The following HPSE2 variants were observed in gnomAD, a reference collection of about 807,000 sequenced individuals.
HPSE2 encodes the protein inactive heparanase-2.
HPSE2 carries 38 observed loss-of-function variants against 60.5 expected under a neutral mutation model. That is an observed-to-expected ratio of 0.63 (90% CI 0.48 to 0.82). HPSE2 has a LOEUF of 0.82. Ranked by LOEUF, HPSE2 falls within the 40% of genes least tolerant of loss-of-function variation. The pLI is 0.00. For synonymous variants in HPSE2, 295 were observed against 293.2 expected (o/e 1.01, Z -0.06); for missense variants, 713 against 740.4 (o/e 0.96, Z 0.43).
intron 9 of HPSE2, among the ~76,000 whole-genome samples, chr10:98,571,873 A>G (rs1398010616): frequency 2.0e-5 from 3 of 151,790 alleles, no homozygotes; most frequent in Non-Finnish European, 4.4e-5. Context: ...TCTCACTCAG[A>G]TTTCTATCTA....
the HPSE2 span, among the ~76,000 whole-genome samples, chr10:99,305,979 G>GCGCGCACACACACA: frequency 7.5e-3 from 607 of 80,486 alleles, 5 homozygotes; most frequent in African/African-American, 8.8e-3. Context: ...GCGCGCGCGC[G>GCGCGCACACACACA]CACACACACA....
At chr10:99,088,204 T>C (rs1021374964) in intron 3 of HPSE2, among the ~76,000 whole-genome samples, 4 of 151,582 alleles carry the variant, frequency 2.6e-5, no homozygotes, top group African/African-American at 9.8e-5. Flanking sequence ...CCCTCAATAC[T>C]TTATTTATTT....
intron 3 of HPSE2, among the ~76,000 whole-genome samples, chr10:98,881,884 T>A (rs745616485): frequency 6.6e-6 from 1 of 152,030 alleles, no homozygotes; most frequent in Non-Finnish European, 1.5e-5. Flanking sequence ...CACTCCTCCC[T>A]CCCCTGCATC....
At chr10:99,215,080 A>G (rs534941796) in intron 2 of HPSE2, among the ~76,000 whole-genome samples, 3 of 152,190 alleles carry the variant, frequency 2.0e-5, no homozygotes, top group South Asian at 2.1e-4. Context: ...CAGCAATCCC[A>G]TTACTGGGTA....
At chr10:98,864,811 C>A (rs1253064396) in intron 3 of HPSE2, among the ~76,000 whole-genome samples, 3 of 152,196 alleles carry the variant, frequency 2.0e-5, no homozygotes, top group African/African-American at 7.2e-5. Context: ...ATAGAATAAT[C>A]TTTCAGTATT....
At chr10:98,993,324 C>T (rs7092852) in intron 3 of HPSE2, among the ~76,000 whole-genome samples, 39 of 152,148 alleles carry the variant, frequency 2.6e-4, no homozygotes, top group African/African-American at 8.2e-4. Context: ...CTGGAAAAGA[C>T]AAATTGCTCA....
chr10:98,599,329 C>A (rs539849838), intron 9 of HPSE2, among the ~76,000 whole-genome samples: 1 of 152,144 alleles, frequency 6.6e-6, no homozygotes, highest in Non-Finnish European at 1.5e-5. Context: ...CTGAATTGAA[C>A]GGTGCTATCC....
At chr10:99,119,553 C>T (rs534911749) in intron 3 of HPSE2, among the ~76,000 whole-genome samples, 2 of 152,170 alleles carry the variant, frequency 1.3e-5, no homozygotes, top group Non-Finnish European at 2.9e-5. Flanking sequence ...TTCCTTTAAA[C>T]TACCAATGGC....
chr10:98,969,494 G>A (rs1388730875), intron 3 of HPSE2, among the ~76,000 whole-genome samples: 2 of 152,140 alleles, frequency 1.3e-5, no homozygotes, highest in Non-Finnish European at 2.9e-5. Flanking sequence ...TCTCAAGGTA[G>A]CAAATGGACA....
At chr10:98,941,203 A>G (rs1480100372) in intron 3 of HPSE2, among the ~76,000 whole-genome samples, 1 of 136,486 alleles carries the variant, frequency 7.3e-6, no homozygotes, top group South Asian at 2.2e-4. Flanking sequence ...CACCACTCCT[A>G]TTCAACATAG....
chr10:99,005,426 G>T (rs2135384875), intron 3 of HPSE2, among the ~76,000 whole-genome samples: 1 of 152,042 alleles, frequency 6.6e-6, no homozygotes, highest in East Asian at 1.9e-4. Context: ...CTTGATCAAT[G>T]CTGCTACTGA....
chr10:98,603,931 A>G (rs748539227), intron 9 of HPSE2, among the ~76,000 whole-genome samples: 11 of 152,300 alleles, frequency 7.2e-5, no homozygotes, highest in East Asian at 1.9e-4. Flanking sequence ...GGGAAGAAAA[A>G]TACTGAAAAA....
At chr10:98,714,038 C>G (rs1227156359) in intron 5 of HPSE2, among the ~76,000 whole-genome samples, 1 of 151,844 alleles carries the variant, frequency 6.6e-6, no homozygotes, top group African/African-American at 2.4e-5. Flanking sequence ...CTTTCTGTAA[C>G]TATAGTTCTC....
At chr10:99,023,912 C>G (rs2487885) in intron 3 of HPSE2, among the ~76,000 whole-genome samples, 21,180 of 152,230 alleles carry the variant, frequency 0.14, 1,848 homozygotes, top group Middle Eastern at 0.22. Context: ...CAATAAATAA[C>G]TAACTCTTCA....
intron 3 of HPSE2, among the ~76,000 whole-genome samples, chr10:98,755,491 C>T (rs1400816638): frequency 6.6e-6 from 1 of 152,120 alleles, no homozygotes; most frequent in African/African-American, 2.4e-5. Flanking sequence ...TATTTGGGAA[C>T]TAAAACTCAG....
intron 3 of HPSE2, among the ~76,000 whole-genome samples, chr10:98,760,989 T>TA (rs1349536928): frequency 6.6e-6 from 1 of 152,112 alleles, no homozygotes. Context: ...CTGAGAATCT[T>TA]ACTTATTTTT....
At chr10:99,135,053 CAGG>C (rs1845591487) in intron 3 of HPSE2, among the ~76,000 whole-genome samples, 1 of 151,726 alleles carries the variant, frequency 6.6e-6, no homozygotes, top group Admixed American at 6.6e-5. Context: ...CAAAAAAAAA[CAGG>C]AGTTGCGATC....
At chr10:98,599,753 A>C (rs1945345886) in intron 9 of HPSE2, among the ~76,000 whole-genome samples, 1 of 152,182 alleles carries the variant, frequency 6.6e-6, no homozygotes, top group Non-Finnish European at 1.5e-5. Context: ...TGCTCTACCT[A>C]GGTGCTATAA....
Position 98,650,743 on chromosome 10 carries a change from G to C in HPSE2, c.1005-8803C>G, listed in dbSNP as rs1946893416. On this transcript the variant is annotated intron_variant, in intron 6 of 11. Transcript: ENST00000370552. ...ATCTAGAATGTTGGAAGGGAGGCCA[G>C]TTAATAAAGGTCACATATCAGTAGG... 1.3e-5 allele frequency among the ~76,000 whole-genome samples: 2 copies of C among 152,308 alleles called. 1 individual carries two copies. The highest frequency in any genetic ancestry group is 4.1e-4 in the South Asian group (2 of 4,828).
Sources: allele counts gnomAD v4.1 joint callset (sites outside exome capture counted in the v4.1 genomes callset), GRCh38; gene constraint gnomAD v4.1.1; transcripts MANE v1.5; gene names NCBI Gene and HGNC (gene_info 2026-07-23, HGNC 2026-07-21).